The following ZFP28 variants were observed in gnomAD, a reference collection of about 807,000 sequenced individuals.
The protein encoded by ZFP28 is zinc finger protein 28 homolog.
Under a neutral mutation model 39.5 loss-of-function variants are expected in ZFP28, and 31 were observed. That is an observed-to-expected ratio of 0.79 (90% CI 0.59 to 1.06). ZFP28 has a LOEUF of 1.06. ZFP28 is among the 50% of genes least tolerant of loss of function. The pLI, the probability that ZFP28 is intolerant of heterozygous loss-of-function variation, is 0.00. For synonymous variants in ZFP28, 400 were observed against 378.6 expected, an observed-to-expected ratio of 1.06 and a Z score of -0.66; for missense variants, 925 against 1,048.4, an observed-to-expected ratio of 0.88 and a Z score of 1.63.
chr19:56,541,125 G>T (rs999933080), intron 2 of ZFP28, among the ~76,000 whole-genome samples: 2 of 152,230 alleles, frequency 1.3e-5, no homozygotes, highest in South Asian at 4.1e-4. Flanking sequence ...CTGCCTGAGT[G>T]TCTGATGGGT....
rs923188695 is a variant in ZFP28, at chr19:56,555,996, A to G, written c.*604A>G. On this transcript the variant is annotated 3_prime_UTR_variant, in exon 8 of 8. Transcript: ENST00000301318. ...GTTAAAACAACTGACGTTACTCAAGAATTAGAAAACTTTGCAAGATTTGAC... is the reference window on the plus strand; with the variant it reads ...GTTAAAACAACTGACGTTACTCAAGGATTAGAAAACTTTGCAAGATTTGAC... 3.9e-5 allele frequency: 6 copies of G among 152,224 alleles called. No individual in the cohort carries two copies. The highest frequency in any genetic ancestry group is 1.4e-4 in the African/African-American group (6 of 41,456). The allele number at this position is 152,224 out of a possible 1,614,324, so 9.4% of individuals were successfully genotyped here.
chr19:56,556,144 C>T lies in ZFP28; in HGVS notation c.*752C>T, dbSNP rs1018149866. On this transcript the variant is annotated 3_prime_UTR_variant, in exon 8 of 8. Transcript: ENST00000301318. ...TGACTCATGGCCACAGTCTCACTGA[C>T]TGTTTTTGTATGGTCCATGATCTAG... 2.0e-5 allele frequency: 3 copies of T among 152,072 alleles called. No homozygotes were observed. Among genetic ancestry groups the T allele is most frequent in the African/African-American group, 7.2e-5 (3 of 41,380 alleles). The allele number at this position is 152,072 out of a possible 1,614,324, so 9.4% of individuals were successfully genotyped here. A position where few individuals can be genotyped will look rare whatever the true frequency, so the allele number is the denominator to read the frequency against.
intron 2 of ZFP28, among the ~76,000 whole-genome samples, chr19:56,545,401 G>A (rs1223891668): frequency 1.2e-4 from 18 of 152,224 alleles, no homozygotes; most frequent in Admixed American, 1.2e-3. Flanking sequence ...AAGAACAAGT[G>A]ATTGTATATT....
rs995118387 is a variant in ZFP28 at position 56,545,124 on chromosome 19, G to A, written c.301-2384G>A. The stretch of plus-strand genomic sequence containing the variant: ...AGCTTCCTCAGGTAGCCATATTAGT[G>A]TGTCTTTTGCTCAAGGACATTAAGC... On this transcript the variant is annotated intron_variant, in intron 2 of 7. Transcript: ENST00000301318. 4.6e-5 allele frequency among the ~76,000 whole-genome samples: 7 copies of A among 152,226 alleles called. No homozygotes were observed. The East Asian group carries it at 5.8e-4, about 13-fold the overall frequency.
rs772013641 is a variant in ZFP28, at chr19:56,554,441, A to C, written c.1656A>C (p.Gln552His). ...FRYGSSLTVH[Q>H]RIHTGEKPYE... The stretch of plus-strand genomic sequence containing the variant: ...ATGGTTCCTCCCTTACTGTACATCA[A>C]AGGATTCATACCGGAGAAAAACCAT... The change falls in exon 8 of 8, where the codon CAA becomes CAC. Residue 552 changes from glutamine (Q) to histidine (H), a missense_variant. Physicochemically the swap from Gln to His is conservative, Grantham distance 24 (BLOSUM62 0). This residue lies in a region of ZFP28 where 369 missense variants were observed against 505.5 expected (regional missense o/e 0.73). Coordinates refer to ENST00000301318, the MANE Select transcript of ZFP28 (RefSeq NM_020828.2). The surrounding 1 kb of genome is among the most constrained non-coding windows in gnomAD (Gnocchi z 6.7). 6.2e-6 allele frequency: 10 copies of C among 1,614,070 alleles called. No homozygotes were observed. The highest frequency in any genetic ancestry group is 8.5e-6 in the Non-Finnish European group (10 of 1,180,034).
In ZFP28 at chr19:56,539,189, C is replaced by T. The variant is rs2044169982; in HGVS notation, c.171C>T (p.Gly57=). 1.2e-6 allele frequency: 2 copies of T among 1,603,790 alleles called. No homozygotes were observed. Among genetic ancestry groups the T allele is most frequent in the Non-Finnish European group, 8.5e-7 (1 of 1,178,194 alleles). The change falls in exon 1 of 8, where the codon GGC becomes GGT. Residue 57 remains glycine (G), a synonymous_variant. Transcript: ENST00000301318. ...CAAGGAATGGCCTCGCATCCAAAGG[C>T]CAGCGAGGAGCGGCCCCTACGGGGC... The part of the protein sequence containing the change: ...PRSRNGLASK[G]QRGAAPTGPG...
At chr19:56,542,185 C>T (rs1396750176) in intron 2 of ZFP28, among the ~76,000 whole-genome samples, 1 of 152,178 alleles carries the variant, frequency 6.6e-6, no homozygotes, top group East Asian at 1.9e-4. Flanking sequence ...CAAGGTCTCA[C>T]TCTGTCACCC....
Position 56,549,121 on chromosome 19 carries a change from G to A in ZFP28, c.687G>A (p.Pro229=), listed in dbSNP as rs1223208900. 8.8e-6 allele frequency: 14 copies of A among 1,596,952 alleles called. No individual in the cohort carries two copies. Among genetic ancestry groups the A allele is most frequent in the South Asian group, 5.7e-5 (5 of 87,624 alleles). The part of the protein sequence containing the change: ...WDYDALFETQ[P]GLVTIKNLAV... ...ATGATGCTCTGTTTGAGACACAGCC[G>A]GTAAGTCACAAGACAAATTTCAGGC... is the stretch of plus-strand genomic sequence containing the variant. The change falls in exon 5 of 8, where the codon CCG becomes CCA. Residue 229 remains proline (P), a splice_region_variant and synonymous_variant. Transcript: ENST00000301318.
intron 5 of ZFP28, 81 bp from the exon 6 acceptor site, chr19:56,549,984 AGT>A: frequency 1.8e-6 from 2 of 1,088,662 alleles, no homozygotes; most frequent in Non-Finnish European, 2.7e-6. Flanking sequence ...CCTTTTTTGC[AGT>A]GTGGACACAG....
rs1357971695 is a variant in ZFP28 at position 56,547,323 on chromosome 19, C to T, written c.301-185C>T. 3 of 797,116 alleles carry T rather than the reference C, an allele frequency of 3.8e-6. No individual in the cohort carries two copies. The Admixed American group carries it at 8.4e-5, about 22-fold the overall frequency. 49.4% of individuals were successfully genotyped at this position (797,116 alleles called of 1,614,324 possible). ...TTGGGTTAGGGCCCCACCCATATGA[C>T]CTCATTTAACCCTAATTACCTCTTT... is the stretch of plus-strand genomic sequence containing the variant. On this transcript the variant is annotated intron_variant, in intron 2 of 7. Transcript: ENST00000301318. The surrounding 1 kb of genome is among the most constrained non-coding windows in gnomAD (Gnocchi z 4.6).
In ZFP28 at chr19:56,548,945, T is replaced by C; in HGVS notation, c.524-13T>C. On this transcript the variant is annotated splice_polypyrimidine_tract_variant and intron_variant, in intron 4 of 7. Transcript: ENST00000301318. The stretch of plus-strand genomic sequence containing the variant: ...ATGATAAAAGATAAATTTACCTTCT[T>C]TACGTCTTTCAGACTTGAAGGCTGT... The C allele has an allele frequency of 6.2e-7, 1 of 1,603,938 alleles. No homozygotes were observed.
In ZFP28 at chr19:56,539,635, C is replaced by T. The variant is rs776618243; in HGVS notation, c.219C>T (p.Ser73=). The stretch of plus-strand genomic sequence containing the variant: ...TCCTTTCTCTTTCAGCTCTGCCTTC[C>T]AGGGACACTGCTCTTCCCCAGGAGA... The part of the protein sequence containing the change: ...PTGPGHRALP[S]RDTALPQERN... Residue 73 remains serine, a synonymous_variant, in exon 2 of 8, where the codon TCC becomes TCT. Transcript: ENST00000301318. 1 of 1,613,978 alleles carries T rather than the reference C, an allele frequency of 6.2e-7. No individual in the cohort carries two copies. Among genetic ancestry groups the T allele is most frequent in the South Asian group, 1.1e-5 (1 of 91,074 alleles).
At chr19:56,546,732 T>C (rs1380334090) in intron 2 of ZFP28, 1 of 152,238 alleles carries the variant, frequency 6.6e-6, no homozygotes, top group Non-Finnish European at 1.5e-5. Context: ...ATCTCAAGTT[T>C]ATTGCCCAGT....
At chr19:56,538,624 C>T (rs2044156859), upstream of ZFP28, 1 of 152,006 alleles carries the variant, frequency 6.6e-6, no homozygotes. Flanking sequence ...CAAACCGTAT[C>T]TTGCAACCTG....
At chr19:56,539,947 ATTCAGCCTCTCCC>A in intron 2 of ZFP28, among the ~76,000 whole-genome samples, 1 of 152,262 alleles carries the variant, frequency 6.6e-6, no homozygotes, top group Middle Eastern at 3.4e-3. Flanking sequence ...TGATGAAATG[ATTCAGCCTCTCCC>A]TTGTACCGCT....
Position 56,550,063 on chromosome 19 carries a change from G to A in ZFP28, c.688-4G>A, listed in dbSNP as rs750612675. The A allele has an allele frequency of 6.2e-7, 1 of 1,607,462 alleles. No individual in the cohort carries two copies. Among genetic ancestry groups the A allele is most frequent in the South Asian group, 1.1e-5 (1 of 89,326 alleles). ...ATTTAAAAAACGTGCTTTTACCATTGCAGGGCTTGGTGACTATCAAAAACC... is the reference window on the plus strand; with the variant it reads ...ATTTAAAAAACGTGCTTTTACCATTACAGGGCTTGGTGACTATCAAAAACC... On this transcript the variant is annotated splice_polypyrimidine_tract_variant and splice_region_variant and intron_variant, in intron 5 of 7. Coordinates refer to ENST00000301318, the MANE Select transcript of ZFP28 (RefSeq NM_020828.2).
rs779231876 is a variant in ZFP28 at position 56,554,419 on chromosome 19, G to T, written c.1634G>T (p.Gly545Val). 2 of 1,614,090 alleles carry T rather than the reference G, an allele frequency of 1.2e-6. No homozygotes were observed. Among genetic ancestry groups the T allele is most frequent in the East Asian group, 2.2e-5 (1 of 44,872 alleles). Residue 545 changes from glycine (G) to valine (V), a missense_variant, in exon 8 of 8, where the codon GGT becomes GTT. Transcript: ENST00000301318. This position sits in a 1 kb window ranked among gnomAD's most constrained non-coding sequence, Gnocchi z 6.7. ...GTATGTCACAAATCCTTCAGGTATG[G>T]TTCCTCCCTTACTGTACATCAAAGG... ...CDVCHKSFRY[G>V]SSLTVHQRIH...
Position 56,550,516 on chromosome 19 carries a change from G to A in ZFP28, c.809G>A (p.Cys270Tyr). The change falls in exon 7 of 8, where the codon TGT becomes TAT. Residue 270 changes from cysteine (C) to tyrosine (Y), a missense_variant. Physicochemically the swap from Cys to Tyr is radical, Grantham distance 194 (BLOSUM62 -2). Transcript: ENST00000301318. ...NNSDLGSAGH[C>Y]VAKPDLVSLL... The stretch of plus-strand genomic sequence containing the variant: ...TCTCTTTTCACTTTTTCAGGACATT[G>A]TGTGGCTAAGCCAGATTTAGTCTCT... 6.2e-7 allele frequency: 1 copy of A among 1,613,510 alleles called. No individual in the cohort carries two copies. The highest frequency in any genetic ancestry group is 2.2e-5 in the East Asian group (1 of 44,888).
chr19:56,550,765 C>T, intron 7 of ZFP28, 160 bp downstream of exon 7: 2 of 1,536,284 alleles, frequency 1.3e-6, no homozygotes, highest in Non-Finnish European at 8.7e-7. Flanking sequence ...TAATTCTTTC[C>T]TCCTCCTTTG....
Sources: gnomAD v4.1 joint callset for allele counts (sites outside exome capture counted in the v4.1 genomes callset) on GRCh38, gnomAD v4.1.1 for gene constraint, gnomAD v4.1.1 regional missense constraint, Gnocchi (gnomAD v3.1) non-coding constraint, MANE v1.5 for transcripts, NCBI Gene and HGNC (gene_info 2026-07-23, HGNC 2026-07-21) for gene names.